Variants in CLSTN2 observed in about 807,000 individuals in gnomAD.
CLSTN2 encodes the protein calsyntenin-2.
Under a neutral mutation model 101.2 loss-of-function variants are expected in CLSTN2, and 48 were observed. The ratio of observed to expected loss-of-function variants is 0.47; its 90% CI spans 0.38 to 0.60. The LOEUF is 0.60. CLSTN2 is among the 20% of genes least tolerant of loss of function. The probability of loss-of-function intolerance (pLI) is 0.00; values close to 1 mark genes in which losing one functional copy is unlikely to be tolerated. For missense variants in CLSTN2, 1,160 were observed against 1,238.2 expected, an observed-to-expected ratio of 0.94 and a Z score of 0.95; for synonymous variants, 481 against 463.6, an observed-to-expected ratio of 1.04 and a Z score of -0.48.
intron 2 of CLSTN2, among the ~76,000 whole-genome samples, chr3:140,265,068 A>G (rs559647819): frequency 6.6e-6 from 1 of 152,266 alleles, no homozygotes; most frequent in African/African-American, 2.4e-5. Context: ...CTGCAAAATG[A>G]CCCTACGAGG....
intron 2 of CLSTN2, among the ~76,000 whole-genome samples, chr3:140,252,162 G>A (rs2086570163): frequency 1.3e-5 from 2 of 152,152 alleles, no homozygotes; most frequent in Admixed American, 6.5e-5. Context: ...AACAAGGCAT[G>A]AACTTTATTT....
intron 1 of CLSTN2, among the ~76,000 whole-genome samples, chr3:139,991,488 T>G (rs1936113480): frequency 6.6e-6 from 1 of 152,194 alleles, no homozygotes; most frequent in Non-Finnish European, 1.5e-5. Context: ...GATATTGCAA[T>G]GAGATCAGCA....
At chr3:140,025,643 G>C (rs1001184519) in intron 1 of CLSTN2, among the ~76,000 whole-genome samples, 14 of 152,182 alleles carry the variant, frequency 9.2e-5, no homozygotes, top group Non-Finnish European at 4.4e-5. Context: ...GAAGAGGAGA[G>C]AGAGAGATGA....
At chr3:140,013,783 A>G (rs2007138090) in intron 1 of CLSTN2, among the ~76,000 whole-genome samples, 1 of 151,964 alleles carries the variant, frequency 6.6e-6, no homozygotes, top group African/African-American at 2.4e-5. Context: ...ATATAAGCTG[A>G]CTCCTCCAGA....
intron 2 of CLSTN2, among the ~76,000 whole-genome samples, chr3:140,354,853 T>A (rs2087651660): frequency 6.6e-6 from 1 of 152,254 alleles, no homozygotes; most frequent in African/African-American, 2.4e-5. Flanking sequence ...GGGTCAACAT[T>A]TACCTTTATA....
chr3:140,552,700 C>T (rs7609951), intron 10 of CLSTN2, among the ~76,000 whole-genome samples: 1,797 of 152,228 alleles, frequency 0.012, 31 homozygotes, highest in African/African-American at 0.038. Flanking sequence ...AGACCAACCT[C>T]CACTGCAGAC....
intron 8 of CLSTN2, among the ~76,000 whole-genome samples, chr3:140,521,784 C>G (rs777441767): frequency 6.6e-6 from 1 of 152,220 alleles, no homozygotes; most frequent in Non-Finnish European, 1.5e-5. Context: ...TGGTCCTTCT[C>G]ATGCAGATTC....
At chr3:140,283,252 C>G (rs911594702) in intron 2 of CLSTN2, among the ~76,000 whole-genome samples, 3 of 152,180 alleles carry the variant, frequency 2.0e-5, no homozygotes, top group Non-Finnish European at 2.9e-5. Context: ...ATGTGCCCCT[C>G]TAACCAAATT....
At chr3:140,122,143 C>T (rs566116735) in intron 1 of CLSTN2, among the ~76,000 whole-genome samples, 5 of 152,354 alleles carry the variant, frequency 3.3e-5, no homozygotes, top group African/African-American at 1.2e-4. Flanking sequence ...ATTTCTCACA[C>T]TGCCCTTAGA....
intron 8 of CLSTN2, among the ~76,000 whole-genome samples, chr3:140,466,980 C>T (rs1391792468): frequency 2.6e-5 from 4 of 152,172 alleles, no homozygotes; most frequent in African/African-American, 9.7e-5. Flanking sequence ...CTGTCATGTG[C>T]CGTTTGTCCA....
At chr3:140,438,431 T>TAAAAAA (rs60186664) in intron 5 of CLSTN2, among the ~76,000 whole-genome samples, 9,245 of 45,512 alleles carry the variant, frequency 0.2, 2,307 homozygotes, top group East Asian at 0.3. Flanking sequence ...GTCCTTTCAT[T>TAAAAAA]AAAAAAAAAA....
At chr3:140,219,203 A>G (rs1183774923) in intron 2 of CLSTN2, among the ~76,000 whole-genome samples, 5 of 151,992 alleles carry the variant, frequency 3.3e-5, no homozygotes, top group Admixed American at 2.6e-4. Flanking sequence ...ATTTCTAAAG[A>G]GTGAGGTGCA....
At chr3:140,114,743 T>C (rs2009212208) in intron 1 of CLSTN2, among the ~76,000 whole-genome samples, 1 of 151,766 alleles carries the variant, frequency 6.6e-6, no homozygotes, top group African/African-American at 2.4e-5. Context: ...ACACACAGGG[T>C]TCTCACCTAA....
rs35645750 is a variant in CLSTN2, at chr3:140,076,625, G to GTTTTTTTTTTTTTTTTT, written c.110-99314_110-99298dup. Among the ~76,000 whole-genome samples the GTTTTTTTTTTTTTTTTT allele has an allele frequency of 4.5e-4, 17 of 38,070 alleles. 4 individuals are homozygous for GTTTTTTTTTTTTTTTTT. The highest frequency in any genetic ancestry group is 1.8e-3 in the African/African-American group (16 of 8,918). 25.0% of individuals were successfully genotyped at this position (38,070 alleles called of 152,430 possible). A position where few individuals can be genotyped will look rare whatever the true frequency, so the allele number is the denominator to read the frequency against. ...CAATGACTCCCCTCTCACCAGCAGTGTTTTTTTTTTTTTTTTTTTTTTTTT... is the reference window on the plus strand; with the variant it reads ...CAATGACTCCCCTCTCACCAGCAGTGTTTTTTTTTTTTTTTTTTTTTTTTTTTTTTTTTTTTTTTTTT... On this transcript the variant is annotated intron_variant, in intron 1 of 16. Transcript: ENST00000458420.
At chr3:140,260,373 G>A (rs1028181245) in intron 2 of CLSTN2, among the ~76,000 whole-genome samples, 5 of 151,780 alleles carry the variant, frequency 3.3e-5, no homozygotes, top group Admixed American at 2.0e-4. Flanking sequence ...TCTTTATGAG[G>A]TTGAGGAATC....
chr3:140,496,056 G>A (rs1026817719), intron 8 of CLSTN2, among the ~76,000 whole-genome samples: 2 of 152,202 alleles, frequency 1.3e-5, no homozygotes, highest in South Asian at 4.1e-4. Flanking sequence ...ACTTTGGGCA[G>A]TGTGACCATT....
At chr3:140,534,995 G>A (rs1346673006) in intron 9 of CLSTN2, among the ~76,000 whole-genome samples, 4 of 152,130 alleles carry the variant, frequency 2.6e-5, no homozygotes, top group African/African-American at 7.2e-5. Flanking sequence ...GCCTCATCAG[G>A]GTGAGATGCA....
chr3:140,270,253 C>T (rs1242306363), intron 2 of CLSTN2, among the ~76,000 whole-genome samples: 2 of 152,156 alleles, frequency 1.3e-5, no homozygotes, highest in African/African-American at 2.4e-5. Flanking sequence ...GATGTACACT[C>T]AAAGAAGTCA....
chr3:140,277,080 G>A (rs1258143140), intron 2 of CLSTN2, among the ~76,000 whole-genome samples: 1 of 152,208 alleles, frequency 6.6e-6, no homozygotes, highest in Non-Finnish European at 1.5e-5. Flanking sequence ...TTGTATTCAA[G>A]ACTGAGCACG....
Sources: gnomAD v4.1 joint callset for allele counts (sites outside exome capture counted in the v4.1 genomes callset) on GRCh38, gnomAD v4.1.1 for gene constraint, MANE v1.5 for transcripts, NCBI Gene and HGNC (gene_info 2026-07-23, HGNC 2026-07-21) for gene names.